Variants in SNX13 observed in about 807,000 individuals in gnomAD.
SNX13 encodes sorting nexin 13, also known as sorting nexin-13.
Under a neutral mutation model 133.6 loss-of-function variants are expected in SNX13, and 45 were observed. The ratio of observed to expected loss-of-function variants is 0.34; its 90% CI spans 0.27 to 0.43. The LOEUF is 0.43. Ranked by LOEUF, SNX13 falls within the 20% of genes least tolerant of loss-of-function variation. The pLI, the probability that SNX13 is intolerant of heterozygous loss-of-function variation, is 1.00. For missense variants in SNX13, 1,032 were observed against 1,145.1 expected (o/e 0.90, Z 1.43); for synonymous variants, 414 against 373.9 (o/e 1.11, Z -1.24).
At chr7:17,866,186 C>CAA (rs1290318492) in intron 9 of SNX13, among the ~76,000 whole-genome samples, 1 of 151,366 alleles carries the variant, frequency 6.6e-6, no homozygotes, top group Non-Finnish European at 1.5e-5. Context: ...AGGGAATGAT[C>CAA]AACAAAGGCA....
chr7:17,869,172 G>A (rs943878883), intron 8 of SNX13, among the ~76,000 whole-genome samples: 33 of 151,918 alleles, frequency 2.2e-4, no homozygotes, highest in African/African-American at 6.8e-4. Flanking sequence ...AAATACTCAT[G>A]CCCTGTATCT....
At chr7:17,882,900 G>T in intron 5 of SNX13, 1 of 1,218,230 alleles carries the variant, frequency 8.2e-7, no homozygotes. Flanking sequence ...GCAGTGAGCC[G>T]AGATTGCGCC....
chr7:17,869,013 A>T (rs995504951), intron 8 of SNX13, among the ~76,000 whole-genome samples: 1 of 152,092 alleles, frequency 6.6e-6, no homozygotes, highest in Non-Finnish European at 1.5e-5. Context: ...AAACATTTTT[A>T]AAATAATAGA....
intron 1 of SNX13, chr7:17,898,069 C>T (rs1287709147): frequency 1.3e-5 from 2 of 151,494 alleles, no homozygotes; most frequent in Non-Finnish European, 2.9e-5. Flanking sequence ...CAAAAAGTAT[C>T]CATACATTAA....
Position 17,890,383 on chromosome 7 carries a change from T to A in SNX13, c.420A>T (p.Ala140=). 2 of 1,611,234 alleles carry A rather than the reference T, an allele frequency of 1.2e-6. No homozygotes were observed. The highest frequency in any genetic ancestry group is 2.2e-5 in the South Asian group (2 of 90,712). ...LLEIRQTLQN[A]LIQFATRSKE... ...CTTACCTAGTAGCAAACTGAATGAGTGCGTTTTGAAGAGTCTGCCTAATTT... is the reference window on the plus strand; with the variant it reads ...CTTACCTAGTAGCAAACTGAATGAGAGCGTTTTGAAGAGTCTGCCTAATTT... The change falls in exon 5 of 26, where the codon GCA becomes GCT. Residue 140 remains alanine (A), a synonymous_variant. Transcript: ENST00000428135.
chr7:17,798,597 C>T, intron 24 of SNX13, 93 bp downstream of exon 24: 1 of 946,424 alleles, frequency 1.1e-6, no homozygotes. Flanking sequence ...AACTTTATGT[C>T]CAGGAAGGAA....
At chr7:17,838,729 GTTGT>G (rs573531891) in intron 13 of SNX13, among the ~76,000 whole-genome samples, 19 of 151,854 alleles carry the variant, frequency 1.3e-4, no homozygotes, top group Middle Eastern at 3.4e-3. Flanking sequence ...TTAGAAATAT[GTTGT>G]TTAATTTTCA....
chr7:17,877,599 G>A (rs529362195), intron 5 of SNX13, among the ~76,000 whole-genome samples: 1 of 152,096 alleles, frequency 6.6e-6, no homozygotes, highest in African/African-American at 2.4e-5. Context: ...CTACAATGCT[G>A]TTTATTTAAT....
intron 8 of SNX13, among the ~76,000 whole-genome samples, chr7:17,871,859 TAG>T (rs916423956): frequency 6.6e-6 from 1 of 152,130 alleles, no homozygotes; most frequent in African/African-American, 2.4e-5. Flanking sequence ...GCATGAAGGC[TAG>T]AGAGGTAAAT....
At chr7:17,844,813 G>A (rs1790304183) in intron 12 of SNX13, among the ~76,000 whole-genome samples, 2 of 150,528 alleles carry the variant, frequency 1.3e-5, no homozygotes, top group Admixed American at 6.6e-5. Context: ...CTTAATTGAT[G>A]CACAAAAAGC....
At chr7:17,861,437 G>T (rs1451514287) in intron 9 of SNX13, among the ~76,000 whole-genome samples, 3 of 151,810 alleles carry the variant, frequency 2.0e-5, no homozygotes, top group Non-Finnish European at 4.4e-5. Flanking sequence ...GCAATTTCCT[G>T]ATGGTCCACA....
At chr7:17,797,687 T>G (rs1232683270) in intron 24 of SNX13, among the ~76,000 whole-genome samples, 2 of 151,766 alleles carry the variant, frequency 1.3e-5, no homozygotes, top group Non-Finnish European at 3.0e-5. Flanking sequence ...TAGGCATTAG[T>G]AATTTTTAAA....
In SNX13 at chr7:17,891,526, T is replaced by C. The variant is rs756795901; in HGVS notation, c.318+20A>G. ...TAGAACACAATATATAGAATTCAAA[T>C]ACCACACGCTGAAACTCACTTGCTG... is the stretch of plus-strand genomic sequence containing the variant. On this transcript the variant is annotated intron_variant, in intron 4 of 25. Transcript: ENST00000428135. 1.3e-6 allele frequency: 2 copies of C among 1,574,396 alleles called. No homozygotes were observed. The highest frequency in any genetic ancestry group is 1.1e-5 in the South Asian group (1 of 89,768).
At chr7:17,892,708 T>C (rs909341946) in intron 3 of SNX13, among the ~76,000 whole-genome samples, 2 of 152,128 alleles carry the variant, frequency 1.3e-5, no homozygotes, top group African/African-American at 4.8e-5. Context: ...TTAATAACTG[T>C]AAAGAAAGTT....
intron 7 of SNX13, among the ~76,000 whole-genome samples, 191 bp downstream of exon 7, chr7:17,875,289 A>G (rs1442572607): frequency 1.3e-5 from 2 of 152,086 alleles, no homozygotes; most frequent in Non-Finnish European, 2.9e-5. Context: ...ATTATTAAAG[A>G]TGACCTTTAA....
intron 11 of SNX13, among the ~76,000 whole-genome samples, chr7:17,848,717 C>T (rs780363589): frequency 3.3e-5 from 5 of 152,196 alleles, no homozygotes; most frequent in Non-Finnish European, 5.9e-5. Context: ...CCGCCAGTGC[C>T]GAAGTGGCAG....
chr7:17,933,535 T>G (rs1177095593), intron 1 of SNX13, among the ~76,000 whole-genome samples: 1 of 150,190 alleles, frequency 6.7e-6, no homozygotes, highest in Non-Finnish European at 1.5e-5. Flanking sequence ...AGAGCGAGAC[T>G]CTGTCTCAGA....
At chr7:17,807,870 T>C (rs1785501584) in intron 20 of SNX13, among the ~76,000 whole-genome samples, 1 of 149,400 alleles carries the variant, frequency 6.7e-6, no homozygotes, top group Non-Finnish European at 1.5e-5. Context: ...AGGGGCCTGA[T>C]TGTTAGAAGG....
intron 1 of SNX13, among the ~76,000 whole-genome samples, chr7:17,918,114 T>C (rs1192940927): frequency 6.6e-6 from 1 of 152,032 alleles, no homozygotes; most frequent in Non-Finnish European, 1.5e-5. Flanking sequence ...CAAAAGAAAC[T>C]GGACTACCTC....
Sources: gnomAD v4.1 joint callset for allele counts (sites outside exome capture counted in the v4.1 genomes callset) on GRCh38, gnomAD v4.1.1 for gene constraint, MANE v1.5 for transcripts, NCBI Gene and HGNC (gene_info 2026-07-23, HGNC 2026-07-21) for gene names.